ROBO2: variants seen among roughly 807,000 people sequenced by gnomAD.
ROBO2 encodes the protein roundabout guidance receptor 2.
A neutral mutation model predicts 160.8 loss-of-function variants in ROBO2; 53 were observed. That is an observed-to-expected ratio of 0.33 (90% CI 0.26 to 0.41). The LOEUF (loss-of-function observed/expected upper bound fraction) is 0.41, where lower values mean the gene tolerates loss of function less well. Ranked by LOEUF, ROBO2 falls within the 10% of genes least tolerant of loss-of-function variation. The pLI, the probability that ROBO2 is intolerant of heterozygous loss-of-function variation, is 1.00. For missense variants in ROBO2, 1,577 were observed against 1,722.4 expected, an observed-to-expected ratio of 0.92 and a Z score of 1.49; for synonymous variants, 664 against 611.7, an observed-to-expected ratio of 1.09 and a Z score of -1.26.
chr3:76,531,620 C>CT (rs74266991), intron 2 of ROBO2, among the ~76,000 whole-genome samples: 9,475 of 121,812 alleles, frequency 0.078, 698 homozygotes, highest in African/African-American at 0.19. Context: ...TGTACAGTTT[C>CT]TTTTTTTTTT....
chr3:76,913,980 A>G (rs951608040), intron 2 of ROBO2, among the ~76,000 whole-genome samples: 4 of 152,114 alleles, frequency 2.6e-5, no homozygotes, highest in African/African-American at 9.7e-5. Flanking sequence ...TCCTTTAGAT[A>G]AGTAACTGTG....
intron 2 of ROBO2, among the ~76,000 whole-genome samples, chr3:77,118,556 G>A (rs985553907): frequency 1.3e-5 from 2 of 152,114 alleles, no homozygotes; most frequent in Non-Finnish European, 2.9e-5. Flanking sequence ...TGCTCCCTAC[G>A]TGCACTCTAT....
chr3:76,817,830 T>C (rs986872247), intron 2 of ROBO2, among the ~76,000 whole-genome samples: 3 of 146,788 alleles, frequency 2.0e-5, no homozygotes, highest in South Asian at 4.2e-4. Flanking sequence ...TTCATTCCTT[T>C]TTTTTTTTTT....
At chr3:76,398,874 T>A (rs1234183848) in intron 2 of ROBO2, among the ~76,000 whole-genome samples, 1 of 151,776 alleles carries the variant, frequency 6.6e-6, no homozygotes, top group Non-Finnish European at 1.5e-5. Context: ...TGCAACTGAG[T>A]ATGAAGATGG....
intron 2 of ROBO2, among the ~76,000 whole-genome samples, chr3:77,104,289 A>G (rs1041619189): frequency 2.0e-5 from 3 of 152,148 alleles, no homozygotes; most frequent in Non-Finnish European, 4.4e-5. Flanking sequence ...CCTATTCTGG[A>G]CATTTCATAT....
chr3:77,373,249 A>C (rs2072080961), intron 2 of ROBO2, among the ~76,000 whole-genome samples: 1 of 150,098 alleles, frequency 6.7e-6, no homozygotes, highest in African/African-American at 2.4e-5. Context: ...GACATGTGGA[A>C]GTATTAGAGG....
intron 1 of ROBO2, among the ~76,000 whole-genome samples, chr3:77,044,435 A>T (rs766788663): frequency 3.1e-4 from 47 of 152,120 alleles, no homozygotes; most frequent in Non-Finnish European, 6.3e-4. Flanking sequence ...AGAAAAAAAG[A>T]TTATCATCTT....
At chr3:76,812,358 A>C (rs1468120872) in intron 2 of ROBO2, among the ~76,000 whole-genome samples, 8 of 151,374 alleles carry the variant, frequency 5.3e-5, no homozygotes, top group South Asian at 2.1e-4. Context: ...AAAAAAAAAA[A>C]AAAAACGTGT....
At chr3:76,628,467 T>C (rs2089817272) in intron 2 of ROBO2, among the ~76,000 whole-genome samples, 1 of 149,056 alleles carries the variant, frequency 6.7e-6, no homozygotes, top group South Asian at 2.1e-4. Flanking sequence ...GGGGTCTTGC[T>C]ATGTTGTCCA....
chr3:76,571,200 A>T (rs534193285), intron 2 of ROBO2, among the ~76,000 whole-genome samples: 9 of 152,292 alleles, frequency 5.9e-5, no homozygotes, highest in African/African-American at 2.2e-4. Flanking sequence ...GCATTCAATT[A>T]ACAAAAGAAA....
At chr3:77,264,391 G>A (rs1371370537) in intron 2 of ROBO2, among the ~76,000 whole-genome samples, 1 of 151,934 alleles carries the variant, frequency 6.6e-6, no homozygotes, top group Non-Finnish European at 1.5e-5. Flanking sequence ...ACACCACACT[G>A]GTTTTGTGCG....
At chr3:77,052,825 T>G (rs1262780991) in intron 1 of ROBO2, among the ~76,000 whole-genome samples, 3 of 152,146 alleles carry the variant, frequency 2.0e-5, no homozygotes, top group Non-Finnish European at 4.4e-5. Flanking sequence ...CAAATAGCAT[T>G]TTTGTTTGTT....
intron 2 of ROBO2, among the ~76,000 whole-genome samples, chr3:77,346,497 C>T (rs188623331): frequency 2.6e-5 from 4 of 152,246 alleles, no homozygotes; most frequent in Admixed American, 2.6e-4. Context: ...AACTTGCTGT[C>T]ACAAACTTAG....
At chr3:76,665,904 A>G (rs2092003913) in intron 2 of ROBO2, among the ~76,000 whole-genome samples, 2 of 119,648 alleles carry the variant, frequency 1.7e-5, no homozygotes, top group African/African-American at 5.6e-5. Context: ...CATATTATAT[A>G]TAATATACAC....
At chr3:77,643,478 A>G (rs1471615128) in intron 24 of ROBO2, among the ~76,000 whole-genome samples, 2 of 152,200 alleles carry the variant, frequency 1.3e-5, no homozygotes, top group Non-Finnish European at 2.9e-5. Flanking sequence ...TTGGTTGTTA[A>G]TCTGTCTATG....
chr3:76,772,460 T>A (rs938479570), intron 2 of ROBO2, among the ~76,000 whole-genome samples: 1 of 148,562 alleles, frequency 6.7e-6, no homozygotes, highest in Non-Finnish European at 1.5e-5. Flanking sequence ...CTAGGTAAAG[T>A]TTTCCATGAT....
chr3:76,243,258 C>G (rs1471310295), intron 2 of ROBO2, among the ~76,000 whole-genome samples: 2 of 152,124 alleles, frequency 1.3e-5, no homozygotes, highest in African/African-American at 4.8e-5. Context: ...CTTCCAGCTC[C>G]TTGAGCACTG....
chr3:76,853,101 AT>A (rs1401705923), intron 2 of ROBO2, among the ~76,000 whole-genome samples: 1 of 151,984 alleles, frequency 6.6e-6, no homozygotes, highest in African/African-American at 2.4e-5. Flanking sequence ...CATACAAGTA[AT>A]TTTTTTCTAA....
At chr3:77,588,692 T>C in intron 16 of ROBO2, 59 bp from the exon 18 acceptor site, 1 of 1,501,088 alleles carries the variant, frequency 6.7e-7, no homozygotes. Flanking sequence ...TGCACCATGT[T>C]TATATTCCTG....
Sources: allele counts gnomAD v4.1 joint callset (sites outside exome capture counted in the v4.1 genomes callset), GRCh38; gene constraint gnomAD v4.1.1; transcripts MANE v1.5; gene names NCBI Gene and HGNC (gene_info 2026-07-23, HGNC 2026-07-21).